The following SPMIP4 variants were observed in gnomAD, a reference collection of about 807,000 sequenced individuals.
SPMIP4 encodes the protein sperm microtubule inner protein 4, also known as sperm-associated microtubule inner protein 4.
the SPMIP4 span, among the ~76,000 whole-genome samples, chr7:25,150,920 A>G: frequency 6.6e-6 from 1 of 152,346 alleles, no homozygotes; most frequent in Admixed American, 6.5e-5. Context: ...CTTGACACCA[A>G]TATGATAATA....
the SPMIP4 span, among the ~76,000 whole-genome samples, chr7:25,137,848 G>C: frequency 4.5e-3 from 688 of 152,186 alleles, 2 homozygotes; most frequent in Non-Finnish European, 8.0e-3. Flanking sequence ...TTCAACAAAA[G>C]AGATTACCCA....
chr7:25,152,935 A>T, the SPMIP4 span, among the ~76,000 whole-genome samples: 2 of 151,646 alleles, frequency 1.3e-5, no homozygotes, highest in Admixed American at 1.3e-4. Flanking sequence ...CTAGAGACAG[A>T]GTTTTGCCAT....
the SPMIP4 span, among the ~76,000 whole-genome samples, chr7:25,154,623 C>T: frequency 6.6e-6 from 1 of 152,204 alleles, no homozygotes; most frequent in South Asian, 2.1e-4. Context: ...CGTCCAGACT[C>T]TGTGATTGAT....
At chr7:25,136,391 G>A in the SPMIP4 span, 6 of 1,614,158 alleles carry the variant, frequency 3.7e-6, no homozygotes, top group Non-Finnish European at 2.5e-6. This position sits in a 1 kb window ranked among gnomAD's most constrained non-coding sequence, Gnocchi z 5.7. Flanking sequence ...TAAGGTGTGG[G>A]TTGGGTTTTT....
chr7:25,164,487 G>A, the SPMIP4 span, among the ~76,000 whole-genome samples: 1 of 152,220 alleles, frequency 6.6e-6, no homozygotes, highest in Admixed American at 6.5e-5. Flanking sequence ...CTTACACACA[G>A]GCAGAACCAC....
At chr7:25,136,849 G>A in the SPMIP4 span, 3 of 1,544,592 alleles carry the variant, frequency 1.9e-6, no homozygotes, top group Non-Finnish European at 2.6e-6. The surrounding 1 kb of genome is among the most constrained non-coding windows in gnomAD (Gnocchi z 5.7). Context: ...TGCCACAAAT[G>A]GTAGGTCAAA....
At chr7:25,158,595 T>A in the SPMIP4 span, 3 of 1,322,832 alleles carry the variant, frequency 2.3e-6, no homozygotes, top group Non-Finnish European at 3.2e-6. Flanking sequence ...TATATCCCTA[T>A]TAGAAACTTG....
the SPMIP4 span, chr7:25,179,327 C>T: frequency 6.3e-7 from 1 of 1,597,740 alleles, no homozygotes; most frequent in East Asian, 2.2e-5. Context: ...GCTAAAAAGG[C>T]ACAACCTGGA....
At chr7:25,143,583 CTTTTTTTTT>C in the SPMIP4 span, among the ~76,000 whole-genome samples, 4 of 110,692 alleles carry the variant, frequency 3.6e-5, no homozygotes, top group South Asian at 3.1e-4. Flanking sequence ...AGTAAAGACA[CTTTTTTTTT>C]TTTTTTTTTT....
the SPMIP4 span, among the ~76,000 whole-genome samples, chr7:25,149,377 T>G: frequency 2.0e-5 from 3 of 152,052 alleles, no homozygotes; most frequent in African/African-American, 7.2e-5. Context: ...GAAAAAAAGG[T>G]GAGTCATGAG....
chr7:25,155,921 T>A, the SPMIP4 span, among the ~76,000 whole-genome samples: 2 of 152,158 alleles, frequency 1.3e-5, no homozygotes, highest in African/African-American at 4.8e-5. Flanking sequence ...ACAAGAAAAT[T>A]AAGCAGAAAA....
At chr7:25,175,402 G>A in the SPMIP4 span, among the ~76,000 whole-genome samples, 1 of 152,012 alleles carries the variant, frequency 6.6e-6, no homozygotes, top group Non-Finnish European at 1.5e-5. Flanking sequence ...GGACCTACAG[G>A]TGTGAGCCAC....
chr7:25,134,847 A>C, the SPMIP4 span: 1 of 985,330 alleles, frequency 1.0e-6, no homozygotes, highest in African/African-American at 1.7e-5. Flanking sequence ...CCCAGTGACC[A>C]AGGCATGCAA....
the SPMIP4 span, among the ~76,000 whole-genome samples, chr7:25,157,935 T>C: frequency 6.6e-6 from 1 of 152,218 alleles, no homozygotes; most frequent in Non-Finnish European, 1.5e-5. Context: ...CTCTCCACAC[T>C]ATCTTCTAAT....
At chr7:25,142,335 T>A in the SPMIP4 span, 2 of 1,573,998 alleles carry the variant, frequency 1.3e-6, no homozygotes, top group Admixed American at 1.7e-5. Flanking sequence ...CCCCAGACCT[T>A]AATGGAAACA....
chr7:25,142,471 C>A, the SPMIP4 span: 2 of 833,594 alleles, frequency 2.4e-6, no homozygotes, highest in Non-Finnish European at 3.6e-6. Flanking sequence ...TACCTCCCAG[C>A]TACCTATGAA....
At chr7:25,153,871 T>C in the SPMIP4 span, among the ~76,000 whole-genome samples, 2 of 152,238 alleles carry the variant, frequency 1.3e-5, no homozygotes, top group South Asian at 4.1e-4. Flanking sequence ...CTTTTTCCAA[T>C]GCTGCCTAGT....
At chr7:25,165,693 T>C in the SPMIP4 span, among the ~76,000 whole-genome samples, 1 of 152,334 alleles carries the variant, frequency 6.6e-6, no homozygotes, top group Admixed American at 6.5e-5. Flanking sequence ...TTGCTGCACG[T>C]TGGAATTATC....
chr7:25,127,478 C>G, the SPMIP4 span, among the ~76,000 whole-genome samples: 1 of 152,166 alleles, frequency 6.6e-6, no homozygotes, highest in Non-Finnish European at 1.5e-5. Context: ...CTGTAAGGGA[C>G]TGCATTTTTT....
Sources: allele counts gnomAD v4.1 joint callset (sites outside exome capture counted in the v4.1 genomes callset), GRCh38; gene constraint gnomAD v4.1.1; non-coding constraint Gnocchi (gnomAD v3.1); transcripts MANE v1.5; gene names NCBI Gene and HGNC (gene_info 2026-07-23, HGNC 2026-07-21).